The following AMBP variants were observed in gnomAD, a reference collection of about 807,000 sequenced individuals.
AMBP encodes alpha-1-microglobulin/bikunin precursor.
In AMBP, 37 loss-of-function variants were observed where a neutral mutation model predicts 46.3. That is an observed-to-expected ratio of 0.80 (90% CI 0.61 to 1.05). The LOEUF (loss-of-function observed/expected upper bound fraction) is 1.05. AMBP is among the 50% of genes least tolerant of loss of function. The pLI is 0.00. For synonymous variants in AMBP, 174 were observed against 175.9 expected, an observed-to-expected ratio of 0.99 and a Z score of 0.09; for missense variants, 475 against 461.2, an observed-to-expected ratio of 1.03 and a Z score of -0.27.
At position 114,076,668 on chromosome 9, in the gene AMBP, T is replaced by C. The variant is rs1846814414; in HGVS notation, c.190A>G (p.Thr64Ala). The C allele has an allele frequency of 1.2e-6, 2 of 1,614,064 alleles. No individual in the cohort carries two copies. The highest frequency in any genetic ancestry group is 2.2e-5 in the East Asian group (1 of 44,860). Reference protein sequence around the residue: ...PWLKKIMDRMTVSTLVLGEGA... With the variant: ...PWLKKIMDRMAVSTLVLGEGA... The stretch of plus-strand genomic sequence containing the variant: ...TCTCCCAGCACCAGCGTGCTCACTG[T>C]CATCCTGTCCATGATCTTCTTCAGC... Residue 64 changes from threonine (T) to alanine (A), a missense_variant, in exon 2 of 10, where the codon ACA (threonine) becomes GCA (alanine). By Grantham distance (58) the Thr-to-Ala change is moderately conservative. Transcript: ENST00000265132.
At position 114,060,173 on chromosome 9, in the gene AMBP, G is replaced by A; in HGVS notation, c.*66C>T. The A allele has an allele frequency of 6.5e-7, 1 of 1,547,534 alleles. No homozygotes were observed. Among genetic ancestry groups the A allele is most frequent in the South Asian group, 1.2e-5 (1 of 82,174 alleles). On this transcript the variant is annotated 3_prime_UTR_variant, in exon 10 of 10. Coordinates refer to ENST00000265132, the MANE Select transcript of AMBP (RefSeq NM_001633.4). ...TTTTTATTTGGACCCAGGTTGCTTG[G>A]CGCTGCCTGCCACAGGACCCCGGGA...
rs1300584371 is a variant in AMBP, at chr9:114,061,462, A to T, written c.815T>A (p.Val272Asp). The T allele has an allele frequency of 6.2e-7, 1 of 1,614,032 alleles. No homozygotes were observed. The highest frequency in any genetic ancestry group is 2.2e-5 in the East Asian group (1 of 44,864). Residue 272 changes from valine to aspartate, a missense_variant, in exon 8 of 10, where the codon GTC becomes GAC. By Grantham distance (152) the Val-to-Asp change is radical. Around this residue, in one of 3 missense-constraint regions of AMBP, gnomAD observed 293 missense variants for 276.9 expected, o/e 1.06. Transcript: ENST00000265132. ...GGTCTGCAGACACTCCTTTTCTGTG[A>T]CGAAGTTGTTACCGTTGCCCATGCA... The part of the protein sequence containing the change: ...GGCMGNGNNF[V>D]TEKECLQTCR...
intron 7 of AMBP, among the ~76,000 whole-genome samples, chr9:114,061,877 C>T (rs1362011466): frequency 6.6e-6 from 1 of 152,030 alleles, no homozygotes; most frequent in East Asian, 1.9e-4. Flanking sequence ...TTGCCTGCCC[C>T]AAAACTCTGT....
intron 3 of AMBP, 126 bp from the exon 4 acceptor site, chr9:114,074,278 T>C: frequency 1.5e-6 from 1 of 679,284 alleles, no homozygotes; most frequent in Non-Finnish European, 2.6e-6. Flanking sequence ...ATGCCTTCCA[T>C]ATCTCCATTT....
intron 6 of AMBP, among the ~76,000 whole-genome samples, chr9:114,063,229 C>A (rs1263762409): frequency 6.6e-6 from 1 of 151,804 alleles, no homozygotes; most frequent in Non-Finnish European, 1.5e-5. Context: ...TGAAACTGAT[C>A]CTAACTCCTT....
chr9:114,060,313 A>ACACT (rs1272977773), intron 9 of AMBP, 43 bp from the exon 10 acceptor site: 4 of 1,608,328 alleles, frequency 2.5e-6, no homozygotes, highest in East Asian at 2.2e-5. Context: ...GTAGGCAGGG[A>ACACT]CACTCAGGGA....
chr9:114,070,851 G>T (rs1189938740), intron 5 of AMBP, among the ~76,000 whole-genome samples: 8 of 151,826 alleles, frequency 5.3e-5, no homozygotes, highest in Admixed American at 4.6e-4. Context: ...TGACTGTCAA[G>T]CCTGATACTC....
At chr9:114,076,874 G>C (rs1431132421) in intron 1 of AMBP, 134 bp from the exon 2 acceptor site, 33 of 1,167,698 alleles carry the variant, frequency 2.8e-5, no homozygotes, top group Non-Finnish European at 3.7e-5. Flanking sequence ...CCTTTTAAGG[G>C]ATAATGTCTT....
intron 6 of AMBP, 46 bp from the exon 7 acceptor site, chr9:114,062,804 C>G (rs756382228): frequency 1.8e-5 from 28 of 1,575,492 alleles, no homozygotes; most frequent in Non-Finnish European, 2.4e-5. Context: ...CTCCTTGCCG[C>G]TATTGCTTTC....
At position 114,078,082 on chromosome 9, in the gene AMBP, G is replaced by A. The variant is rs780040713; in HGVS notation, c.117+11C>T. On this transcript the variant is annotated intron_variant, in intron 1 of 9. Coordinates refer to ENST00000265132, the MANE Select transcript of AMBP (RefSeq NM_001633.4). ...CCACATCCACCCTACCACAGAGAGCGGCAGCCTTACCCGAGAGATATTGAA... is the reference window on the plus strand; with the variant it reads ...CCACATCCACCCTACCACAGAGAGCAGCAGCCTTACCCGAGAGATATTGAA... The A allele has an allele frequency of 2.7e-5, 44 of 1,613,714 alleles. No individual in the cohort carries two copies. The highest frequency in any genetic ancestry group is 1.9e-4 in the South Asian group (17 of 91,074).
intron 6 of AMBP, among the ~76,000 whole-genome samples, chr9:114,068,111 T>G (rs1450732825): frequency 6.6e-6 from 1 of 152,210 alleles, no homozygotes; most frequent in Middle Eastern, 3.2e-3. Flanking sequence ...AGTTTCACTC[T>G]CAAAGGGAGT....
At chr9:114,064,309 T>C (rs1160111757) in intron 6 of AMBP, among the ~76,000 whole-genome samples, 1 of 152,070 alleles carries the variant, frequency 6.6e-6, no homozygotes, top group Non-Finnish European at 1.5e-5. Context: ...GAAATAATGA[T>C]AAGGTATAAA....
intron 2 of AMBP, among the ~76,000 whole-genome samples, chr9:114,076,197 T>G (rs1846805037): frequency 1.4e-5 from 2 of 146,368 alleles, no homozygotes; most frequent in African/African-American, 2.5e-5. Context: ...GAAAGGGAGG[T>G]GGCTTGGACC....
intron 5 of AMBP, among the ~76,000 whole-genome samples, chr9:114,070,841 T>C (rs148297367): frequency 1.3e-5 from 2 of 151,372 alleles, no homozygotes; most frequent in Non-Finnish European, 3.0e-5. Context: ...CACATTGGGG[T>C]GACTGTCAAG....
At chr9:114,072,045 A>G (rs1292926490) in intron 5 of AMBP, among the ~76,000 whole-genome samples, 1 of 152,224 alleles carries the variant, frequency 6.6e-6, no homozygotes, top group Non-Finnish European at 1.5e-5. Context: ...GTCACAGGAC[A>G]AGAACTTGGG....
chr9:114,073,098 G>A, intron 4 of AMBP, 72 bp from the exon 5 acceptor site: 1 of 1,392,378 alleles, frequency 7.2e-7, no homozygotes, highest in South Asian at 1.3e-5. Flanking sequence ...AAATGATTTT[G>A]CCCAGTGATT....
chr9:114,062,312 T>C (rs148149113), intron 7 of AMBP, among the ~76,000 whole-genome samples: 94 of 152,298 alleles, frequency 6.2e-4, no homozygotes, highest in African/African-American at 2.1e-3. Context: ...ACACAAAGCA[T>C]TCACATGTCC....
At position 114,061,515 on chromosome 9, in the gene AMBP, C is replaced by CA; in HGVS notation, c.761dup (p.Met254IlefsTer4). On this transcript the variant is annotated frameshift_variant, in exon 8 of 10. Transcript: ENST00000265132. LOFTEE classifies it high-confidence loss of function. ...CGCCGTACTGGAAAGTCTCACAGGCCATGGATGTACCATTATAGAAATACC... is the reference window on the plus strand; with the variant it reads ...CGCCGTACTGGAAAGTCTCACAGGCCAATGGATGTACCATTATAGAAATACC... 1.2e-6 allele frequency: 2 copies of CA among 1,614,122 alleles called. No homozygotes were observed. Among genetic ancestry groups the CA allele is most frequent in the South Asian group, 2.2e-5 (2 of 91,080 alleles).
At chr9:114,077,930 G>A (rs147309176) in intron 1 of AMBP, among the ~76,000 whole-genome samples, 163 bp downstream of exon 1, 8 of 152,312 alleles carry the variant, frequency 5.3e-5, no homozygotes, top group East Asian at 1.9e-4. Context: ...AGAGACCCAC[G>A]GAATGGCAGG....
Sources: gnomAD v4.1 joint callset for allele counts (sites outside exome capture counted in the v4.1 genomes callset) on GRCh38, gnomAD v4.1.1 for gene constraint, gnomAD v4.1.1 regional missense constraint, MANE v1.5 for transcripts, NCBI Gene and HGNC (gene_info 2026-07-23, HGNC 2026-07-21) for gene names.